SPRED2: variants seen among roughly 807,000 people sequenced by gnomAD.
SPRED2 encodes the protein sprouty related EVH1 domain containing 2.
Under a neutral mutation model 43.0 loss-of-function variants are expected in SPRED2, and 47 were observed. The ratio of observed to expected loss-of-function variants is 1.09; its 90% CI spans 0.87 to 1.40. The LOEUF (loss-of-function observed/expected upper bound fraction) is 1.40. Ranked by LOEUF, SPRED2 falls within the 40% of genes most tolerant of loss-of-function variation. The pLI is 0.00. For synonymous variants in SPRED2, 225 were observed against 225.7 expected (o/e 1.00, Z 0.03); for missense variants, 561 against 586.4 (o/e 0.96, Z 0.45).
chr2:65,381,151 C>A (rs1014909650), intron 1 of SPRED2, among the ~76,000 whole-genome samples: 7 of 152,202 alleles, frequency 4.6e-5, no homozygotes, highest in Admixed American at 3.9e-4. Flanking sequence ...CATTTCCAAA[C>A]CTCACCAAGT....
At chr2:65,342,706 T>G (rs1674230332) in intron 2 of SPRED2, among the ~76,000 whole-genome samples, 1 of 152,162 alleles carries the variant, frequency 6.6e-6, no homozygotes, top group Non-Finnish European at 1.5e-5. Flanking sequence ...TAATGAAACA[T>G]CAAACTGATA....
chr2:65,310,747 C>T (rs145416685), downstream of SPRED2: 261 of 439,836 alleles, frequency 5.9e-4, 2 homozygotes, highest in African/African-American at 4.8e-3. Context: ...ACATGTCCTT[C>T]GGCACAGGAA....
At chr2:65,349,870 G>A (rs1002036683) in intron 1 of SPRED2, among the ~76,000 whole-genome samples, 4 of 152,192 alleles carry the variant, frequency 2.6e-5, no homozygotes, top group Admixed American at 2.6e-4. Flanking sequence ...GGGAAGGGGA[G>A]GCTCAGGGGC....
At chr2:65,338,927 G>C (rs1273304898) in intron 2 of SPRED2, among the ~76,000 whole-genome samples, 1 of 152,206 alleles carries the variant, frequency 6.6e-6, no homozygotes, top group Non-Finnish European at 1.5e-5. Context: ...CGTCTGAGAT[G>C]TGGGGAGCGC....
intron 2 of SPRED2, among the ~76,000 whole-genome samples, chr2:65,338,906 C>G (rs576354441): frequency 3.1e-4 from 46 of 149,242 alleles, no homozygotes; most frequent in Admixed American, 2.9e-3. Context: ...CGTCTCTGCC[C>G]GGCAGCCCAT....
downstream of SPRED2, among the ~76,000 whole-genome samples, chr2:65,307,954 C>T (rs1335547337): frequency 1.3e-5 from 2 of 152,166 alleles, no homozygotes; most frequent in South Asian, 2.1e-4. Flanking sequence ...CCCCCCGCCC[C>T]CCCCATTCAC....
chr2:65,354,371 T>C (rs1373601146), intron 1 of SPRED2, among the ~76,000 whole-genome samples: 1 of 152,248 alleles, frequency 6.6e-6, no homozygotes, highest in East Asian at 1.9e-4. Flanking sequence ...CATAAAATGC[T>C]GGTTTTCTGG....
intron 1 of SPRED2, among the ~76,000 whole-genome samples, chr2:65,366,301 T>A (rs1295202950): frequency 1.2e-5 from 1 of 82,780 alleles, no homozygotes; most frequent in Non-Finnish European, 2.4e-5. Context: ...GACTTAATAA[T>A]AAAAAACAAC....
downstream of SPRED2, among the ~76,000 whole-genome samples, chr2:65,307,549 C>CAA (rs55812957): frequency 6.8e-3 from 710 of 104,070 alleles, 5 homozygotes; most frequent in African/African-American, 0.012. Context: ...AACCCCTTCT[C>CAA]AAAAAAAAAA....
At chr2:65,339,100 G>C (rs1213893371) in intron 2 of SPRED2, among the ~76,000 whole-genome samples, 1 of 55,090 alleles carries the variant, frequency 1.8e-5, no homozygotes, top group African/African-American at 9.1e-5. Flanking sequence ...GGGAGGTTGG[G>C]CGGGGGGTCA....
rs773782616 is a variant in SPRED2 at position 65,314,053 on chromosome 2, G to C, written c.705C>G (p.Pro235=). 1 of 1,613,982 alleles carries C rather than the reference G, an allele frequency of 6.2e-7. No individual in the cohort carries two copies. Among genetic ancestry groups the C allele is most frequent in the African/African-American group, 1.3e-5 (1 of 74,938 alleles). ...MTGYEDYRHA[P]VRGKYPDPSE... ...AGGGGTCCGGGTACTTGCCCCTGACGGGTGCGTGCCGGTAATCCTCGTACC... is the reference window on the plus strand; with the variant it reads ...AGGGGTCCGGGTACTTGCCCCTGACCGGTGCGTGCCGGTAATCCTCGTACC... The change falls in exon 6 of 6, where the codon CCC becomes CCG. Residue 235 remains proline (P), a synonymous_variant. Coordinates refer to ENST00000356388, the MANE Select transcript of SPRED2 (RefSeq NM_181784.3).
At chr2:65,356,530 TTCC>T (rs1558666420) in intron 1 of SPRED2, among the ~76,000 whole-genome samples, 6,830 of 99,456 alleles carry the variant, frequency 0.069, 303 homozygotes, top group Non-Finnish European at 0.095. Flanking sequence ...AGTTCCCCAG[TTCC>T]CTCTTTTTTT....
intron 1 of SPRED2, among the ~76,000 whole-genome samples, chr2:65,356,382 A>G (rs1205818306): frequency 6.6e-6 from 1 of 152,200 alleles, no homozygotes; most frequent in Non-Finnish European, 1.5e-5. Flanking sequence ...GAACACCTGA[A>G]AATCATAAAT....
downstream of SPRED2, among the ~76,000 whole-genome samples, chr2:65,310,233 C>A (rs1417327510): frequency 1.3e-5 from 2 of 151,990 alleles, no homozygotes; most frequent in Non-Finnish European, 2.9e-5. Context: ...AAGGCCCCTC[C>A]TATATATCTC....
chr2:65,391,501 T>A (rs35312858), intron 1 of SPRED2, among the ~76,000 whole-genome samples: 16,713 of 152,184 alleles, frequency 0.11, 1,372 homozygotes, highest in Non-Finnish European at 0.16. Context: ...TTTCATTCAG[T>A]TTTGTATTGC....
chr2:65,320,464 T>C (rs1673377232), intron 4 of SPRED2, among the ~76,000 whole-genome samples: 1 of 152,170 alleles, frequency 6.6e-6, no homozygotes, highest in Admixed American at 6.5e-5. Flanking sequence ...CCTCTCTCCC[T>C]GCACAGTCCA....
chr2:65,396,222 C>G (rs1675753996), intron 1 of SPRED2, among the ~76,000 whole-genome samples: 1 of 152,178 alleles, frequency 6.6e-6, no homozygotes, highest in African/African-American at 2.4e-5. Flanking sequence ...GTTTTGTTTT[C>G]TAACTTTTGT....
At chr2:65,382,923 AG>A (rs565224412) in intron 1 of SPRED2, among the ~76,000 whole-genome samples, 83 of 152,126 alleles carry the variant, frequency 5.5e-4, no homozygotes, top group Non-Finnish European at 1.0e-3. Flanking sequence ...TCTAAGGGGG[AG>A]GGGTGCTGCC....
intron 1 of SPRED2, among the ~76,000 whole-genome samples, chr2:65,356,586 T>G (rs1028920010): frequency 2.2e-5 from 3 of 135,066 alleles, no homozygotes; most frequent in Non-Finnish European, 4.6e-5. Flanking sequence ...ATCTACCACC[T>G]GCCCTCTACC....
Sources: allele counts gnomAD v4.1 joint callset (sites outside exome capture counted in the v4.1 genomes callset), GRCh38; gene constraint gnomAD v4.1.1; transcripts MANE v1.5; gene names NCBI Gene and HGNC (gene_info 2026-07-23, HGNC 2026-07-21).